The following TXNRD1 variants were observed in gnomAD, a reference collection of about 807,000 sequenced individuals.
The protein encoded by TXNRD1 is thioredoxin reductase 1.
TXNRD1 carries 57 observed loss-of-function variants against 80.3 expected under a neutral mutation model. That is an observed-to-expected ratio of 0.71 (90% CI 0.57 to 0.89). The LOEUF (loss-of-function observed/expected upper bound fraction) is 0.89. Ranked by LOEUF, TXNRD1 falls within the 40% of genes least tolerant of loss-of-function variation. The pLI, the probability that TXNRD1 is intolerant of heterozygous loss-of-function variation, is 0.00. For missense variants in TXNRD1, 730 were observed against 803.0 expected (o/e 0.91, Z 1.10); for synonymous variants, 291 against 285.2 (o/e 1.02, Z -0.20).
At chr12:104,251,158 C>T (rs2033110107) in intron 1 of TXNRD1, among the ~76,000 whole-genome samples, 1 of 152,110 alleles carries the variant, frequency 6.6e-6, no homozygotes, top group African/African-American at 2.4e-5. Flanking sequence ...ATCTGTCTGA[C>T]ATTTGGCCTC....
intron 1 of TXNRD1, among the ~76,000 whole-genome samples, chr12:104,249,459 A>T (rs2033064097): frequency 6.6e-6 from 1 of 151,562 alleles, no homozygotes; most frequent in Non-Finnish European, 1.5e-5. Flanking sequence ...CCATATGTTA[A>T]GTATTAGTAA....
Position 104,233,494 on chromosome 12 carries a change from T to A in TXNRD1, c.91+17601T>A, listed in dbSNP as rs965489644. Among the ~76,000 whole-genome samples the A allele has an allele frequency of 2.6e-4, 39 of 152,218 alleles. 1 individual carries two copies. Among genetic ancestry groups the A allele is most frequent in the Admixed American group, 1.3e-4 (2 of 15,276 alleles). On this transcript the variant is annotated intron_variant, in intron 1 of 16. Transcript: ENST00000525566. Reference sequence around the variant, plus strand: ...GGAACCAGACAGAGAAAAATAAAAATGCTCCAAATTTTGTTCACAGGAGTA... The same window carrying A: ...GGAACCAGACAGAGAAAAATAAAAAAGCTCCAAATTTTGTTCACAGGAGTA...
At chr12:104,299,429 AAC>A (rs933690220) in intron 4 of TXNRD1, among the ~76,000 whole-genome samples, 4 of 152,130 alleles carry the variant, frequency 2.6e-5, no homozygotes, top group African/African-American at 7.2e-5. Flanking sequence ...ATAATAACAA[AAC>A]ACAAAATATA....
At chr12:104,328,018 G>A (rs1315159140) in intron 13 of TXNRD1, among the ~76,000 whole-genome samples, 1 of 151,762 alleles carries the variant, frequency 6.6e-6, no homozygotes, top group Non-Finnish European at 1.5e-5. Context: ...AATTAGCTGG[G>A]CATGGTGGCG....
chr12:104,279,337 G>A (rs911783264), intron 3 of TXNRD1, among the ~76,000 whole-genome samples: 6 of 152,178 alleles, frequency 3.9e-5, no homozygotes, highest in South Asian at 2.1e-4. Flanking sequence ...ATTTCATAGG[G>A]GGATTTGACT....
chr12:104,318,908 T>A lies in TXNRD1; in HGVS notation c.731-5T>A. On this transcript the variant is annotated splice_polypyrimidine_tract_variant and splice_region_variant and intron_variant, in intron 7 of 16. Transcript: ENST00000525566. ...AACAAGATTTTGTTTTATTTTCTTA[T>A]ACAGTTAAGCATGATTGGGACAGAA... 6.3e-7 allele frequency: 1 copy of A among 1,599,658 alleles called. No homozygotes were observed. The highest frequency in any genetic ancestry group is 8.5e-7 in the Non-Finnish European group (1 of 1,176,040).
chr12:104,330,080 G>C (rs2035898190), intron 13 of TXNRD1, among the ~76,000 whole-genome samples: 1 of 152,122 alleles, frequency 6.6e-6, no homozygotes, highest in Non-Finnish European at 1.5e-5. Context: ...GTGGTTGTCT[G>C]CCTTTACTTT....
chr12:104,331,818 CTGTGTG>C (rs35676546), intron 14 of TXNRD1, among the ~76,000 whole-genome samples, 177 bp downstream of exon 14: 2 of 150,360 alleles, frequency 1.3e-5, no homozygotes, highest in Admixed American at 6.6e-5. Context: ...GTCTCTCATT[CTGTGTG>C]TGTGTGTGTG....
At chr12:104,267,149 G>C (rs1341315872) in intron 3 of TXNRD1, among the ~76,000 whole-genome samples, 1 of 135,472 alleles carries the variant, frequency 7.4e-6, no homozygotes, top group African/African-American at 2.8e-5. Context: ...CTGGGCAACA[G>C]AGTGAGACTC....
Position 104,299,475 on chromosome 12 carries a change from T to C in TXNRD1, c.414+10435T>C, listed in dbSNP as rs547197537. On this transcript the variant is annotated intron_variant, in intron 4 of 16. Coordinates refer to ENST00000525566, the MANE Select transcript of TXNRD1 (RefSeq NM_001093771.3). Reference sequence around the variant, plus strand: ...AACATAACTTTAAAGAAAATTACGATGAAAGAGAAACTGCCAGGCACAGTG... The same window carrying C: ...AACATAACTTTAAAGAAAATTACGACGAAAGAGAAACTGCCAGGCACAGTG... 2.6e-5 allele frequency among the ~76,000 whole-genome samples: 4 copies of C among 151,648 alleles called. No individual in the cohort carries two copies. In the East Asian group the frequency reaches 7.8e-4, roughly 29 times the overall value.
At chr12:104,293,779 C>T (rs1191242392) in intron 4 of TXNRD1, among the ~76,000 whole-genome samples, 7 of 152,142 alleles carry the variant, frequency 4.6e-5, no homozygotes, top group African/African-American at 9.7e-5. Context: ...CCCGGGGGAC[C>T]GCTACCACCA....
intron 1 of TXNRD1, among the ~76,000 whole-genome samples, chr12:104,235,047 TAA>T (rs779107553): frequency 2.0e-5 from 3 of 152,180 alleles, no homozygotes; most frequent in Non-Finnish European, 2.9e-5. Context: ...GTGTTGGATA[TAA>T]GAGCTCGGAG....
At position 104,319,516 on chromosome 12, in the gene TXNRD1, T is replaced by A; in HGVS notation, c.920T>A (p.Phe307Tyr). ...GKEKIYSAERFLIATGERPRY... is the reference protein window; with the variant it reads ...GKEKIYSAERYLIATGERPRY... The stretch of plus-strand genomic sequence containing the variant: ...GAAAAAATTTATTCAGCAGAGAGAT[T>A]TCTCATTGCCACTGGTGAAAGACCA... Residue 307 changes from phenylalanine to tyrosine, a missense_variant, in exon 9 of 17, where the codon TTT (phenylalanine) becomes TAT (tyrosine). Physicochemically the swap from Phe to Tyr is conservative, Grantham distance 22. Transcript: ENST00000525566. 6.2e-7 allele frequency: 1 copy of A among 1,603,662 alleles called. No individual in the cohort carries two copies. Among genetic ancestry groups the A allele is most frequent in the Non-Finnish European group, 8.5e-7 (1 of 1,174,900 alleles).
intron 4 of TXNRD1, among the ~76,000 whole-genome samples, chr12:104,296,242 C>G (rs185741608): frequency 6.6e-6 from 1 of 152,260 alleles, no homozygotes; most frequent in East Asian, 1.9e-4. Flanking sequence ...AGGTCAGGCC[C>G]ATGCAAATCT....
intron 1 of TXNRD1, among the ~76,000 whole-genome samples, chr12:104,245,516 T>TAAA (rs2032961223): frequency 3.6e-4 from 1 of 2,802 alleles, no homozygotes; most frequent in Non-Finnish European, 8.9e-4. Flanking sequence ...AAACTCCATC[T>TAAA]CAAAAAAAAA....
intron 4 of TXNRD1, among the ~76,000 whole-genome samples, chr12:104,290,260 G>C (rs1226881314): frequency 2.6e-5 from 4 of 152,088 alleles, no homozygotes; most frequent in Non-Finnish European, 5.9e-5. Context: ...AATGGTTATA[G>C]GGAATGGATC....
chr12:104,278,886 T>A (rs1336442123), intron 3 of TXNRD1, among the ~76,000 whole-genome samples: 1 of 152,208 alleles, frequency 6.6e-6, no homozygotes, highest in Non-Finnish European at 1.5e-5. Flanking sequence ...TTTTTCTCCT[T>A]TTCTCTGTGA....
chr12:104,260,877 G>T (rs1237486034), intron 3 of TXNRD1, among the ~76,000 whole-genome samples: 1 of 152,206 alleles, frequency 6.6e-6, no homozygotes, highest in East Asian at 1.9e-4. Flanking sequence ...GATGGGAAAG[G>T]TAAAGGAGGT....
chr12:104,309,492 A>T (rs1188773471), intron 4 of TXNRD1, among the ~76,000 whole-genome samples: 1 of 152,068 alleles, frequency 6.6e-6, no homozygotes, highest in Non-Finnish European at 1.5e-5. Flanking sequence ...GAGGAGGGGG[A>T]TTCCTAGAAC....
Sources: allele counts gnomAD v4.1 joint callset (sites outside exome capture counted in the v4.1 genomes callset), GRCh38; gene constraint gnomAD v4.1.1; transcripts MANE v1.5; gene names NCBI Gene and HGNC (gene_info 2026-07-23, HGNC 2026-07-21).